PRKCA: variants seen among roughly 807,000 people sequenced by gnomAD.
PRKCA encodes the protein protein kinase C alpha type.
PRKCA carries 27 observed loss-of-function variants against 87.0 expected under a neutral mutation model. The observed-to-expected ratio is 0.31, with a 90% confidence interval of 0.23 to 0.43. The LOEUF is 0.43. PRKCA is among the 20% of genes least tolerant of loss of function. The pLI, the probability that PRKCA is intolerant of heterozygous loss-of-function variation, is 1.00. For synonymous variants in PRKCA, 329 were observed against 311.1 expected (o/e 1.06, Z -0.61); for missense variants, 518 against 852.3 (o/e 0.61, Z 4.88).
intron 3 of PRKCA, among the ~76,000 whole-genome samples, chr17:66,627,314 G>A (rs1231083760): frequency 6.6e-6 from 1 of 152,036 alleles, no homozygotes; most frequent in Non-Finnish European, 1.5e-5. Flanking sequence ...GGGGTTGGGG[G>A]GAATGTATCA....
chr17:66,735,924 T>C (rs944132424), intron 10 of PRKCA, among the ~76,000 whole-genome samples: 9 of 146,990 alleles, frequency 6.1e-5, no homozygotes, highest in Admixed American at 1.4e-4. Context: ...TTCTTTCTTT[T>C]TTTTTTTTTT....
chr17:66,439,068 C>T (rs1307134710), intron 2 of PRKCA, among the ~76,000 whole-genome samples: 1 of 152,182 alleles, frequency 6.6e-6, no homozygotes, highest in African/African-American at 2.4e-5. Context: ...TCTTGAAGAC[C>T]TCAGTGCATA....
At chr17:66,330,333 C>G (rs1906252351) in intron 2 of PRKCA, among the ~76,000 whole-genome samples, 1 of 152,066 alleles carries the variant, frequency 6.6e-6, no homozygotes, top group African/African-American at 2.4e-5. Context: ...TCTCGAGCTC[C>G]TGACCTCAGG....
At chr17:66,778,559 A>G (rs908971696) in intron 14 of PRKCA, among the ~76,000 whole-genome samples, 22 of 152,118 alleles carry the variant, frequency 1.4e-4, no homozygotes, top group African/African-American at 5.1e-4. Context: ...TTCTTTAAAG[A>G]TGACACCTTA....
intron 14 of PRKCA, among the ~76,000 whole-genome samples, chr17:66,785,566 C>T (rs955931072): frequency 5.9e-5 from 9 of 152,162 alleles, no homozygotes; most frequent in Non-Finnish European, 1.2e-4. Flanking sequence ...TTCCCATGAA[C>T]GCTTTCCTCC....
chr17:66,425,666 T>A (rs1463481856), intron 2 of PRKCA, among the ~76,000 whole-genome samples: 1 of 152,214 alleles, frequency 6.6e-6, no homozygotes, highest in Non-Finnish European at 1.5e-5. Context: ...GGAAAGCGAT[T>A]TTAGCGATCT....
At chr17:66,613,846 G>C (rs986517275) in intron 3 of PRKCA, among the ~76,000 whole-genome samples, 1 of 119,722 alleles carries the variant, frequency 8.4e-6, no homozygotes. Flanking sequence ...GTAGTGGCAC[G>C]ATCTCTGCTC....
chr17:66,406,597 T>TG lies in PRKCA; in HGVS notation c.206-89604_206-89603insG, dbSNP rs1911409819. Among the ~76,000 whole-genome samples the TG allele has an allele frequency of 6.9e-5, 10 of 144,498 alleles. No homozygotes were observed. The Admixed American group carries it at 7.0e-4, about 10-fold the overall frequency. 94.8% of individuals were successfully genotyped at this position (144,498 alleles called of 152,430 possible). A position where few individuals can be genotyped will look rare whatever the true frequency, so the allele number is the denominator to read the frequency against. On this transcript the variant is annotated intron_variant, in intron 2 of 16. Transcript: ENST00000413366. ...GTAGCTTTTCCAGGTTTTTTTTTTT[T>TG]TTTTTTTTTTTTAAATGTCATAGAA...
At chr17:66,702,130 A>T (rs191197399) in intron 8 of PRKCA, among the ~76,000 whole-genome samples, 1 of 151,982 alleles carries the variant, frequency 6.6e-6, no homozygotes, top group Admixed American at 6.5e-5. Flanking sequence ...ATGTGTGTGC[A>T]TATTCATATA....
intron 14 of PRKCA, chr17:66,774,811 C>T: frequency 2.0e-6 from 2 of 985,414 alleles, no homozygotes; most frequent in Non-Finnish European, 2.4e-6. Flanking sequence ...TTAATAGTTT[C>T]TCCCCATCTC....
rs116918240 is a variant in PRKCA at position 66,540,725 on chromosome 17, C to G, written c.288+44442C>G. ...GAGACCTTGTGTGAAACCCCCGGTT[C>G]TGTCTCTGTCACTTGTTTGAGTCTC... On this transcript the variant is annotated intron_variant, in intron 3 of 16. Coordinates refer to ENST00000413366, the MANE Select transcript of PRKCA (RefSeq NM_002737.3). Among the ~76,000 whole-genome samples the G allele has an allele frequency of 3.0e-3, 450 of 152,360 alleles. 2 individuals carry two copies. The highest frequency in any genetic ancestry group is 4.9e-3 in the Non-Finnish European group (333 of 68,040).
At chr17:66,802,430 C>G (rs1408567598) in intron 16 of PRKCA, among the ~76,000 whole-genome samples, 2 of 151,706 alleles carry the variant, frequency 1.3e-5, no homozygotes, top group Non-Finnish European at 2.9e-5. Context: ...GAGGCTGAGG[C>G]AGGAGAATCA....
At chr17:66,621,853 A>G (rs779002393) in intron 3 of PRKCA, among the ~76,000 whole-genome samples, 2 of 152,238 alleles carry the variant, frequency 1.3e-5, no homozygotes, top group African/African-American at 2.4e-5. Context: ...CTGTTAAGCC[A>G]TAGCAGGATT....
intron 2 of PRKCA, among the ~76,000 whole-genome samples, chr17:66,483,648 A>C (rs1915875658): frequency 6.6e-6 from 1 of 151,764 alleles, no homozygotes; most frequent in African/African-American, 2.4e-5. Context: ...TTTTTAGTAG[A>C]GACAGGGTTT....
At chr17:66,409,210 G>A (rs1231660777) in intron 2 of PRKCA, among the ~76,000 whole-genome samples, 3 of 152,082 alleles carry the variant, frequency 2.0e-5, no homozygotes, top group Admixed American at 6.5e-5. Context: ...GGGATGGGAT[G>A]GAGGCAGGGG....
intron 3 of PRKCA, among the ~76,000 whole-genome samples, chr17:66,535,652 G>T (rs1011952183): frequency 2.6e-5 from 4 of 152,188 alleles, no homozygotes; most frequent in Non-Finnish European, 4.4e-5. Flanking sequence ...TTGGCAGCTG[G>T]TGTCAGTTCC....
intron 8 of PRKCA, among the ~76,000 whole-genome samples, chr17:66,706,552 G>A (rs1168494007): frequency 6.6e-6 from 1 of 151,814 alleles, no homozygotes; most frequent in South Asian, 2.1e-4. Context: ...GCAGGAGAAT[G>A]GCATGAACCC....
At chr17:66,578,963 G>A (rs1373363585) in intron 3 of PRKCA, among the ~76,000 whole-genome samples, 1 of 152,236 alleles carries the variant, frequency 6.6e-6, no homozygotes, top group African/African-American at 2.4e-5. Flanking sequence ...TGGCCCCACC[G>A]TTGCTTCTCA....
chr17:66,420,024 T>A (rs960488664), intron 2 of PRKCA, among the ~76,000 whole-genome samples: 114 of 142,360 alleles, frequency 8.0e-4, no homozygotes, highest in African/African-American at 1.9e-3. Context: ...TTTTTTTTTT[T>A]AAATATGAGA....
Sources: gnomAD v4.1 joint callset for allele counts (sites outside exome capture counted in the v4.1 genomes callset) on GRCh38, gnomAD v4.1.1 for gene constraint, MANE v1.5 for transcripts, NCBI Gene and HGNC (gene_info 2026-07-23, HGNC 2026-07-21) for gene names.